The following CYP4A11 variants were observed in gnomAD, a reference collection of about 807,000 sequenced individuals.
CYP4A11 encodes the protein cytochrome P450 family 4 subfamily A member 11, also known as cytochrome P450 4A11.
A neutral mutation model predicts 57.7 loss-of-function variants in CYP4A11; 52 were observed. That is an observed-to-expected ratio of 0.90 (90% CI 0.72 to 1.14). The LOEUF (loss-of-function observed/expected upper bound fraction) is 1.14, where lower values mean the gene tolerates loss of function less well. CYP4A11 is among the 50% of genes most tolerant of loss of function. CYP4A11 has a pLI of 0.00. For synonymous variants in CYP4A11, 228 were observed against 247.1 expected (o/e 0.92, Z 0.72); for missense variants, 641 against 642.1 (o/e 1.00, Z 0.02).
intron 4 of CYP4A11, among the ~76,000 whole-genome samples, chr1:46,935,948 G>T (rs899492223): frequency 6.6e-6 from 1 of 152,216 alleles, no homozygotes; most frequent in African/African-American, 2.4e-5. Context: ...TGTGAAAATT[G>T]TATTGCTATT....
At chr1:46,936,638 G>C (rs773244650) in intron 4 of CYP4A11, 26 bp downstream of exon 4, 2 of 1,565,160 alleles carry the variant, frequency 1.3e-6, no homozygotes, top group African/African-American at 2.7e-5. Context: ...AGTGGGTGTG[G>C]GGAGAGGAGA....
rs1267309979 is a variant in CYP4A11, at chr1:46,929,953, G to A, written c.*162C>T. On this transcript the variant is annotated 3_prime_UTR_variant, in exon 12 of 12. Transcript: ENST00000310638. ...TGGGTAGGAGACAGGTAGACAAGCA[G>A]GTAGGGAGCCTGGAGAAAGGTGAGA... is the stretch of plus-strand genomic sequence containing the variant. The A allele has an allele frequency of 9.9e-7, 1 of 1,010,034 alleles. No homozygotes were observed. Among genetic ancestry groups the A allele is most frequent in the East Asian group, 2.6e-5 (1 of 38,324 alleles). The allele number at this position is 1,010,034 out of a possible 1,614,324, so 62.6% of individuals were successfully genotyped here.
At position 46,934,044 on chromosome 1, in the gene CYP4A11, C is replaced by T. The variant is rs954816685; in HGVS notation, c.1124G>A (p.Cys375Tyr). ...HLDQMPYTTM[C>Y]IKEALRLYPP... Reference sequence around the variant, plus strand: ...GTAGAGCCTCAGTGCCTCCTTAATGCACATGGTGGTGTAGGGCATCTGGTC... The same window carrying T: ...GTAGAGCCTCAGTGCCTCCTTAATGTACATGGTGGTGTAGGGCATCTGGTC... The change falls in exon 9 of 12, where the codon TGC (cysteine) becomes TAC (tyrosine). Residue 375 changes from cysteine to tyrosine, a missense_variant. Physicochemically the swap from Cys to Tyr is radical, Grantham distance 194 (BLOSUM62 -2). Transcript: ENST00000310638. 1 of 1,613,734 alleles carries T rather than the reference C, an allele frequency of 6.2e-7. No homozygotes were observed. The highest frequency in any genetic ancestry group is 1.3e-5 in the African/African-American group (1 of 74,940).
In CYP4A11 at chr1:46,941,288, T is replaced by A; in HGVS notation, c.146A>T (p.Gln49Leu). The change falls in exon 1 of 12, where the codon CAG (glutamine) becomes CTG (leucine). Residue 49 changes from glutamine to leucine, a missense_variant. Coordinates refer to ENST00000310638, the MANE Select transcript of CYP4A11 (RefSeq NM_000778.4). Reference protein sequence around the residue: ...LHRQWLLKALQQFPCPPSHWL... With the variant: ...LHRQWLLKALLQFPCPPSHWL... ...GTGGGAGGGAGGGCACGGGAACTGC[T>A]GGAGGGCTTTGAGCAGCCACTGCCT... is the stretch of plus-strand genomic sequence containing the variant. 1 of 1,614,142 alleles carries A rather than the reference T, an allele frequency of 6.2e-7. No individual in the cohort carries two copies. Among genetic ancestry groups the A allele is most frequent in the Non-Finnish European group, 8.5e-7 (1 of 1,180,024 alleles).
Position 46,934,188 on chromosome 1 carries a change from G to T in CYP4A11, c.1076C>A (p.Ala359Asp), listed in dbSNP as rs530295909. The change falls in exon 8 of 12, where the codon GCC becomes GAC. Residue 359 changes from alanine (A) to aspartate (D), a missense_variant. Physicochemically the swap from Ala to Asp is moderately radical, Grantham distance 126. Coordinates refer to ENST00000310638, the MANE Select transcript of CYP4A11 (RefSeq NM_000778.4). ...AGCCCTCACTCACCAGGTGATGGAG[G>T]CTCCATCACCCAGGAGGCTGTGGAT... ...EEIHSLLGDG[A>D]SITWNHLDQM... 9 of 1,613,898 alleles carry T rather than the reference G, an allele frequency of 5.6e-6. No individual in the cohort carries two copies. The highest frequency in any genetic ancestry group is 4.5e-5 in the East Asian group (2 of 44,842).
rs371519862 is a variant in CYP4A11 at position 46,939,913 on chromosome 1, G to C, written c.195+1326C>G. Among the ~76,000 whole-genome samples the C allele has an allele frequency of 2.7e-5, 4 of 145,610 alleles. 1 individual carries two copies. Among genetic ancestry groups the C allele is most frequent in the Non-Finnish European group, 6.0e-5 (4 of 66,500 alleles). Reference sequence around the variant, plus strand: ...CCATATAGGGTTAGAACTTTGGCAGGTCCCCACATTTGTTCTGCTCTGCTG... The same window carrying C: ...CCATATAGGGTTAGAACTTTGGCAGCTCCCCACATTTGTTCTGCTCTGCTG... On this transcript the variant is annotated intron_variant, in intron 1 of 11. Transcript: ENST00000310638.
chr1:46,932,218 G>T, intron 11 of CYP4A11: 1 of 993,604 alleles, frequency 1.0e-6, no homozygotes, highest in Non-Finnish European at 1.2e-6. Flanking sequence ...TCTTCAAAGG[G>T]CTACCTTAAC....
chr1:46,930,565 C>T (rs1396691887), intron 11 of CYP4A11, among the ~76,000 whole-genome samples: 1 of 152,190 alleles, frequency 6.6e-6, no homozygotes, highest in East Asian at 1.9e-4. Flanking sequence ...CAGCCTGAAA[C>T]CCTCTATCAA....
At chr1:46,933,109 C>T (rs1681132878) in intron 9 of CYP4A11, 62 bp from the exon 10 acceptor site, 1 of 1,597,460 alleles carries the variant, frequency 6.3e-7, no homozygotes, top group Non-Finnish European at 8.5e-7. Context: ...CCTGGTACTT[C>T]AGCCAGCAGG....
chr1:46,934,908 G>A, intron 6 of CYP4A11, 92 bp downstream of exon 6: 31 of 1,546,510 alleles, frequency 2.0e-5, no homozygotes, highest in Non-Finnish European at 2.7e-5. Flanking sequence ...GCGTTCTGCA[G>A]GGTTACTAGG....
intron 1 of CYP4A11, 61 bp downstream of exon 1, chr1:46,941,178 C>A: frequency 6.4e-7 from 1 of 1,557,736 alleles, no homozygotes; most frequent in Non-Finnish European, 8.7e-7. Flanking sequence ...GATTTTGTGA[C>A]CAGGGTCTCA....
chr1:46,929,943 T>C lies in CYP4A11; in HGVS notation c.*172A>G. On this transcript the variant is annotated 3_prime_UTR_variant, in exon 12 of 12. Coordinates refer to ENST00000310638, the MANE Select transcript of CYP4A11 (RefSeq NM_000778.4). ...GAGATACAGGTGGGTAGGAGACAGGTAGACAAGCAGGTAGGGAGCCTGGAG... is the reference window on the plus strand; with the variant it reads ...GAGATACAGGTGGGTAGGAGACAGGCAGACAAGCAGGTAGGGAGCCTGGAG... The C allele has an allele frequency of 1.1e-6, 1 of 923,204 alleles. No homozygotes were observed. Among genetic ancestry groups the C allele is most frequent in the Non-Finnish European group, 1.6e-6 (1 of 627,016 alleles). The allele number at this position is 923,204 out of a possible 1,614,324, so 57.2% of individuals were successfully genotyped here.
chr1:46,936,661 C>T lies in CYP4A11; in HGVS notation c.510+3G>A. 6.3e-7 allele frequency: 1 copy of T among 1,596,696 alleles called. No individual in the cohort carries two copies. Among genetic ancestry groups the T allele is most frequent in the East Asian group, 2.2e-5 (1 of 44,556 alleles). ...TGGGGAGAGGAGAGAGACATGGACTCACCAGCATCACTCGTACAGAGTCTG... is the reference window on the plus strand; with the variant it reads ...TGGGGAGAGGAGAGAGACATGGACTTACCAGCATCACTCGTACAGAGTCTG... On this transcript the variant is annotated splice_donor_region_variant and intron_variant, in intron 4 of 11. Transcript: ENST00000310638.
chr1:46,941,156 C>T, intron 1 of CYP4A11, 83 bp downstream of exon 1: 9 of 1,536,342 alleles, frequency 5.9e-6, no homozygotes, highest in East Asian at 2.3e-5. Flanking sequence ...CAAAACAAGG[C>T]TTTGCTCTAT....
intron 2 of CYP4A11, 39 bp downstream of exon 2, chr1:46,937,957 G>A (rs112592497): frequency 2.6e-5 from 42 of 1,611,916 alleles, no homozygotes; most frequent in Non-Finnish European, 3.5e-5. Flanking sequence ...GTGTCAAGAG[G>A]GAAGACACAT....
chr1:46,930,081 G>A lies in CYP4A11; in HGVS notation c.*34C>T, dbSNP rs1176664864. 3 of 1,584,176 alleles carry A rather than the reference G, an allele frequency of 1.9e-6. No homozygotes were observed. The highest frequency in any genetic ancestry group is 1.7e-6 in the Non-Finnish European group (2 of 1,163,034). On this transcript the variant is annotated 3_prime_UTR_variant, in exon 12 of 12. Coordinates refer to ENST00000310638, the MANE Select transcript of CYP4A11 (RefSeq NM_000778.4). ...GGCAGACAGGAAGGGGACAGAAGCG[G>A]GGGTCAGGAAGACAGGACGGCAGGT... is the stretch of plus-strand genomic sequence containing the variant.
In CYP4A11 at chr1:46,937,940, G is replaced by A. The variant is rs1681514205; in HGVS notation, c.337+56C>T. ...TCTCTTCTGGAATTTTACAGACCCA[G>A]GAGCATGTGTCAAGAGGGAAGACAC... is the stretch of plus-strand genomic sequence containing the variant. On this transcript the variant is annotated intron_variant, in intron 2 of 11. Coordinates refer to ENST00000310638, the MANE Select transcript of CYP4A11 (RefSeq NM_000778.4). 6 of 1,605,322 alleles carry A rather than the reference G, an allele frequency of 3.7e-6. No homozygotes were observed. The South Asian group carries it at 6.6e-5, about 18-fold the overall frequency.
intron 9 of CYP4A11, among the ~76,000 whole-genome samples, chr1:46,933,330 C>G (rs544144011): frequency 1.3e-5 from 2 of 152,306 alleles, no homozygotes; most frequent in South Asian, 4.1e-4. Context: ...CAAATATCCT[C>G]CAAGGGTCAT....
At chr1:46,930,457 C>G in intron 11 of CYP4A11, 147 bp from the exon 12 acceptor site, 3 of 912,604 alleles carry the variant, frequency 3.3e-6, no homozygotes, top group Non-Finnish European at 4.8e-6. Flanking sequence ...AGCCCATGGA[C>G]ACTTCTACCC....
Sources: gnomAD v4.1 joint callset for allele counts (sites outside exome capture counted in the v4.1 genomes callset) on GRCh38, gnomAD v4.1.1 for gene constraint, MANE v1.5 for transcripts, NCBI Gene and HGNC (gene_info 2026-07-23, HGNC 2026-07-21) for gene names.